The following GABRR2 variants were observed in gnomAD, a reference collection of about 807,000 sequenced individuals.
GABRR2 encodes the protein gamma-aminobutyric acid receptor subunit rho-2.
Under a neutral mutation model 47.0 loss-of-function variants are expected in GABRR2, and 36 were observed. The observed-to-expected ratio is 0.77, with a 90% CI of 0.59 to 1.01. The LOEUF (loss-of-function observed/expected upper bound fraction) is 1.01. Ranked by LOEUF, GABRR2 falls within the 50% of genes least tolerant of loss-of-function variation. The probability of loss-of-function intolerance (pLI) is 0.00; values close to 1 mark genes in which losing one functional copy is unlikely to be tolerated. For synonymous variants in GABRR2, 204 were observed against 227.5 expected (o/e 0.90, Z 0.93); for missense variants, 587 against 594.6 (o/e 0.99, Z 0.13).
chr6:89,259,976 C>T (rs909407450), intron 8 of GABRR2, among the ~76,000 whole-genome samples: 20 of 149,904 alleles, frequency 1.3e-4, no homozygotes, highest in Non-Finnish European at 2.2e-4. Context: ...GATGCCATCT[C>T]AGATCACTGC....
intron 2 of GABRR2, among the ~76,000 whole-genome samples, chr6:89,287,226 AG>A (rs1237423131): frequency 6.6e-6 from 1 of 152,192 alleles, no homozygotes; most frequent in Non-Finnish European, 1.5e-5. Flanking sequence ...AGGAGAGCCA[AG>A]GGGGCACGAG....
chr6:89,294,435 C>T (rs1286880563), intron 2 of GABRR2, among the ~76,000 whole-genome samples: 1 of 152,190 alleles, frequency 6.6e-6, no homozygotes, highest in East Asian at 1.9e-4. Context: ...CATGAGCCAC[C>T]ACACCCAGCC....
chr6:89,306,410 T>C (rs879510762), intron 1 of GABRR2, among the ~76,000 whole-genome samples: 19 of 152,250 alleles, frequency 1.2e-4, no homozygotes, highest in African/African-American at 4.1e-4. Context: ...TTGTGATAAA[T>C]ATACTTCTAA....
intron 2 of GABRR2, among the ~76,000 whole-genome samples, chr6:89,291,705 G>A (rs1390936015): frequency 6.6e-6 from 1 of 152,124 alleles, no homozygotes; most frequent in African/African-American, 2.4e-5. Flanking sequence ...TACTCCATCA[G>A]TAGAGACACC....
intron 2 of GABRR2, among the ~76,000 whole-genome samples, chr6:89,281,299 C>G (rs1037000662): frequency 2.0e-5 from 3 of 152,182 alleles, no homozygotes; most frequent in Non-Finnish European, 4.4e-5. Flanking sequence ...GAAAAAGAAG[C>G]ATTCATAATA....
In GABRR2 at chr6:89,256,617, A is replaced by C. The variant is rs113296149; in HGVS notation, c.*1053T>G. On this transcript the variant is annotated 3_prime_UTR_variant, in exon 9 of 9. Transcript: ENST00000402938. ...GGGCCACACCAGATAGTCTATGCCAACAATGTGATTTATGATAGGTGCCCT... is the reference window on the plus strand; with the variant it reads ...GGGCCACACCAGATAGTCTATGCCACCAATGTGATTTATGATAGGTGCCCT... 0.019 allele frequency among the ~76,000 whole-genome samples: 2,898 copies of C among 152,282 alleles called. 45 individuals are homozygous for C. The highest frequency in any genetic ancestry group is 0.031 in the Middle Eastern group (9 of 294).
chr6:89,273,889 T>G (rs1774108556), intron 2 of GABRR2, among the ~76,000 whole-genome samples: 1 of 152,180 alleles, frequency 6.6e-6, no homozygotes, highest in African/African-American at 2.4e-5. Context: ...GTGCCTACTT[T>G]CTCTAAAGTG....
intron 1 of GABRR2, chr6:89,302,336 C>T (rs1767462528): frequency 1.8e-6 from 1 of 564,918 alleles, no homozygotes; most frequent in African/African-American, 1.9e-5. Flanking sequence ...CCCATGCTGT[C>T]CATCCACCAG....
At position 89,265,683 on chromosome 6, in the gene GABRR2, A is replaced by T. The variant is rs143140241; in HGVS notation, c.819T>A (p.Thr273=). 19 of 1,614,174 alleles carry T rather than the reference A, an allele frequency of 1.2e-5. No homozygotes were observed. In the African/African-American group the frequency reaches 1.9e-4, roughly 16 times the overall value. ...FFLLQTYFPA[T]LMVMLSWVSF... ...ACACCCAGGACAGCATGACCATCAGAGTGGCAGGGAAATATGTTTGGAGCA... is the reference window on the plus strand; with the variant it reads ...ACACCCAGGACAGCATGACCATCAGTGTGGCAGGGAAATATGTTTGGAGCA... The change falls in exon 7 of 9, where the codon ACT becomes ACA. Residue 273 remains threonine (T), a synonymous_variant. Transcript: ENST00000402938.
chr6:89,276,134 A>G (rs1440465322), intron 2 of GABRR2, among the ~76,000 whole-genome samples: 1 of 147,668 alleles, frequency 6.8e-6, no homozygotes, highest in African/African-American at 2.4e-5. Context: ...TATATTATAT[A>G]CATTATAAAT....
Position 89,299,736 on chromosome 6 carries a change from GCAT to G in GABRR2, c.220+20_220+22del. On this transcript the variant is annotated intron_variant, in intron 2 of 8. Transcript: ENST00000402938. Reference sequence around the variant, plus strand: ...ATCCCTGGGGCCAACCTCCCACCTGGCATCAAGGAAGAACAGTCCTACCTCCGA... The same window carrying G: ...ATCCCTGGGGCCAACCTCCCACCTGGCAAGGAAGAACAGTCCTACCTCCGA... The G allele has an allele frequency of 6.5e-7, 1 of 1,544,676 alleles. No homozygotes were observed. Among genetic ancestry groups the G allele is most frequent in the African/African-American group, 1.4e-5 (1 of 73,604 alleles).
chr6:89,264,388 C>A, intron 8 of GABRR2, 24 bp downstream of exon 8: 1 of 1,604,824 alleles, frequency 6.2e-7, no homozygotes, highest in Non-Finnish European at 8.5e-7. Context: ...TGGACTTAGA[C>A]AAGGGCCGAA....
chr6:89,264,411 C>G lies in GABRR2; in HGVS notation c.1086+1G>C, dbSNP rs752376147. The G allele has an allele frequency of 6.2e-7, 1 of 1,612,852 alleles. No individual in the cohort carries two copies. Among genetic ancestry groups the G allele is most frequent in the South Asian group, 1.1e-5 (1 of 90,974 alleles). ...GACAAGGGCCGAAGAAGCCCTCTCA[C>G]CTTCTCCCGCAGCTTCCGTTCCTTG... On this transcript the variant is annotated splice_donor_variant, in intron 8 of 8. Transcript: ENST00000402938. LOFTEE classifies it high-confidence loss of function.
intron 1 of GABRR2, among the ~76,000 whole-genome samples, chr6:89,313,908 A>C (rs886718572): frequency 4.6e-5 from 7 of 152,098 alleles, no homozygotes; most frequent in Non-Finnish European, 7.4e-5. Context: ...CAGAGAGTCC[A>C]TCTCAAAAAA....
intron 2 of GABRR2, among the ~76,000 whole-genome samples, chr6:89,289,267 G>T (rs1044459003): frequency 2.6e-5 from 4 of 152,174 alleles, no homozygotes; most frequent in Non-Finnish European, 5.9e-5. Context: ...GGGCCAGGCT[G>T]CAGAGAGGTA....
chr6:89,272,174 C>G (rs1437914466), intron 2 of GABRR2, among the ~76,000 whole-genome samples: 1 of 152,198 alleles, frequency 6.6e-6, no homozygotes, highest in Non-Finnish European at 1.5e-5. Context: ...GTCATTCAGG[C>G]TATACCTACA....
chr6:89,287,490 C>T (rs1018066541), intron 2 of GABRR2, among the ~76,000 whole-genome samples: 1 of 152,244 alleles, frequency 6.6e-6, no homozygotes, highest in Non-Finnish European at 1.5e-5. Flanking sequence ...GAACAGGGCC[C>T]GTGTCTTTGT....
Position 89,257,530 on chromosome 6 carries a change from G to C in GABRR2, c.*140C>G, listed in dbSNP as rs570891243. 2.2e-4 allele frequency: 154 copies of C among 703,954 alleles called. No homozygotes were observed. Among genetic ancestry groups the C allele is most frequent in the Non-Finnish European group, 3.1e-4 (134 of 430,596 alleles). The allele number at this position is 703,954 out of a possible 1,614,324, so 43.6% of individuals were successfully genotyped here. A position where few individuals can be genotyped will look rare whatever the true frequency, so the allele number is the denominator to read the frequency against. ...AGCTGGAAGGCTCCTGGGCTTCTCT[G>C]AGAGATGAGTGCTGCTCAGGGTGGT... is the stretch of plus-strand genomic sequence containing the variant. On this transcript the variant is annotated 3_prime_UTR_variant, in exon 9 of 9. Transcript: ENST00000402938.
chr6:89,265,687 G>T lies in GABRR2; in HGVS notation c.815C>A (p.Ala272Asp). ...FFFLLQTYFPATLMVMLSWVS... is the reference protein window; with the variant it reads ...FFFLLQTYFPDTLMVMLSWVS... ...CCAGGACAGCATGACCATCAGAGTG[G>T]CAGGGAAATATGTTTGGAGCAAGAA... The change falls in exon 7 of 9, where the codon GCC (alanine) becomes GAC (aspartate). Residue 272 changes from alanine (A) to aspartate (D), a missense_variant. Ala to Asp is a moderately radical substitution (Grantham distance 126, BLOSUM62 -2). Coordinates refer to ENST00000402938, the MANE Select transcript of GABRR2 (RefSeq NM_002043.5). The T allele has an allele frequency of 6.2e-7, 1 of 1,614,176 alleles. No homozygotes were observed. Among genetic ancestry groups the T allele is most frequent in the African/African-American group, 1.3e-5 (1 of 75,034 alleles).
Sources: gnomAD v4.1 joint callset for allele counts (sites outside exome capture counted in the v4.1 genomes callset) on GRCh38, gnomAD v4.1.1 for gene constraint, MANE v1.5 for transcripts, NCBI Gene and HGNC (gene_info 2026-07-23, HGNC 2026-07-21) for gene names.